Variants in LOXL2 observed in about 807,000 individuals in gnomAD.
The protein encoded by LOXL2 is lysyl oxidase like 2.
In LOXL2, 70 loss-of-function variants were observed where a neutral mutation model predicts 93.0. The ratio of observed to expected loss-of-function variants is 0.75; its 90% CI spans 0.62 to 0.92. The LOEUF is 0.92. LOXL2 is among the 40% of genes least tolerant of loss of function. The pLI is 0.00. For synonymous variants in LOXL2, 438 were observed against 413.2 expected (o/e 1.06, Z -0.73); for missense variants, 973 against 1,054.9 (o/e 0.92, Z 1.08).
Position 23,359,250 on chromosome 8 carries a change from A to G in LOXL2, c.531+840T>C, listed in dbSNP as rs1489617057. Among the ~76,000 whole-genome samples the G allele has an allele frequency of 4.6e-5, 7 of 152,260 alleles. No homozygotes were observed. The East Asian group carries it at 1.4e-3, about 29-fold the overall frequency. On this transcript the variant is annotated intron_variant, in intron 3 of 13. Coordinates refer to ENST00000389131, the MANE Select transcript of LOXL2 (RefSeq NM_002318.3). ...CCAGCAACCCTACCTGGTGTCACAC[A>G]TTTGTGTAATCTCCTCCCACTCTCT...
intron 6 of LOXL2, 24 bp from the exon 7 acceptor site, chr8:23,322,305 T>C (rs1455438129): frequency 1.2e-6 from 2 of 1,606,550 alleles, no homozygotes; most frequent in East Asian, 2.2e-5. Flanking sequence ...ATAAACATGC[T>C]CTATGAAAGC....
Position 23,346,137 on chromosome 8 carries a change from T to TAATA in LOXL2, c.532-4935_532-4934insTATT, listed in dbSNP as rs879817966. Among the ~76,000 whole-genome samples the TAATA allele has an allele frequency of 1.1e-3, 85 of 75,702 alleles. 2 individuals carry two copies. The highest frequency in any genetic ancestry group is 4.2e-3 in the African/African-American group (53 of 12,568). 49.7% of individuals were successfully genotyped at this position (75,702 alleles called of 152,430 possible). A position where few individuals can be genotyped will look rare whatever the true frequency, so the allele number is the denominator to read the frequency against. On this transcript the variant is annotated intron_variant, in intron 3 of 13. Transcript: ENST00000389131. ...AAAATTAAAATAAAATAAAATAAAATAAAATAAATAAAATAAAATAAAAAA... is the reference window on the plus strand; with the variant it reads ...AAAATTAAAATAAAATAAAATAAAATAATAAAAATAAATAAAATAAAATAAAAAA...
At chr8:23,300,246 G>A (rs1490340193) in intron 12 of LOXL2, among the ~76,000 whole-genome samples, 3 of 152,240 alleles carry the variant, frequency 2.0e-5, no homozygotes, top group Non-Finnish European at 4.4e-5. Context: ...GGCTGGAAAT[G>A]TGTGTCCCCC....
At chr8:23,309,262 C>T (rs903572909) in intron 10 of LOXL2, among the ~76,000 whole-genome samples, 79 of 152,100 alleles carry the variant, frequency 5.2e-4, no homozygotes, top group Non-Finnish European at 9.0e-4. Context: ...GGATTACAGG[C>T]GTGAGCCACC....
intron 9 of LOXL2, 73 bp from the exon 10 acceptor site, chr8:23,309,984 T>TGG: frequency 7.2e-7 from 1 of 1,398,416 alleles, no homozygotes; most frequent in South Asian, 1.7e-5. Context: ...ATTCTTGAGC[T>TGG]GGGACAAACC....
At chr8:23,301,651 G>A (rs981502625) in intron 12 of LOXL2, among the ~76,000 whole-genome samples, 11 of 152,154 alleles carry the variant, frequency 7.2e-5, no homozygotes, top group African/African-American at 2.4e-4. Context: ...TAGGGCACTA[G>A]GAGAAATGGG....
At chr8:23,380,406 A>AAAAAAAAAAAAAAAAG (rs57485192) in intron 1 of LOXL2, among the ~76,000 whole-genome samples, 1 of 128,500 alleles carries the variant, frequency 7.8e-6, no homozygotes, top group Admixed American at 8.4e-5. Flanking sequence ...AAAAAAAAAA[A>AAAAAAAAAAAAAAAAG]AAAAAGACAT....
intron 10 of LOXL2, among the ~76,000 whole-genome samples, chr8:23,308,022 C>T (rs900688229): frequency 9.2e-5 from 12 of 130,470 alleles, no homozygotes; most frequent in Admixed American, 6.0e-4. Context: ...AAAGAAAGAG[C>T]ATGTAGTTTG....
chr8:23,300,447 C>T (rs968631103), intron 12 of LOXL2, among the ~76,000 whole-genome samples: 33 of 152,206 alleles, frequency 2.2e-4, no homozygotes, highest in Non-Finnish European at 2.6e-4. Context: ...TGGACGGTCA[C>T]TTCCTCCTCG....
chr8:23,400,308 C>T (rs1409692925), intron 1 of LOXL2, among the ~76,000 whole-genome samples: 1 of 152,152 alleles, frequency 6.6e-6, no homozygotes, highest in East Asian at 1.9e-4. Flanking sequence ...GGAGGCCTCA[C>T]AATCATGGCA....
intron 2 of LOXL2, chr8:23,362,999 C>T (rs1236090559): frequency 1.3e-5 from 2 of 152,148 alleles, no homozygotes; most frequent in Non-Finnish European, 2.9e-5. Flanking sequence ...GACTACCTCA[C>T]CACACCTGCT....
chr8:23,340,319 T>G (rs991573827), intron 4 of LOXL2, among the ~76,000 whole-genome samples: 2 of 152,182 alleles, frequency 1.3e-5, no homozygotes, highest in African/African-American at 2.4e-5. Flanking sequence ...GAACACCCCA[T>G]GACCAACCAA....
intron 4 of LOXL2, 163 bp from the exon 5 acceptor site, chr8:23,333,786 C>T: frequency 3.2e-6 from 2 of 624,816 alleles, no homozygotes; most frequent in Non-Finnish European, 5.6e-6. Context: ...TCACTGAGCA[C>T]CTGCTAATGC....
chr8:23,345,781 AG>A (rs1803961903), intron 3 of LOXL2, among the ~76,000 whole-genome samples: 1 of 152,162 alleles, frequency 6.6e-6, no homozygotes, highest in Non-Finnish European at 1.5e-5. Flanking sequence ...TTTAAAATTC[AG>A]CCCCAGCCGG....
chr8:23,346,112 A>AAAATT (rs1229564356), intron 3 of LOXL2, among the ~76,000 whole-genome samples: 1 of 136,028 alleles, frequency 7.4e-6, no homozygotes, highest in Admixed American at 7.4e-5. Flanking sequence ...AAAATAAAAT[A>AAAATT]AAATTAAAAT....
chr8:23,391,402 G>A (rs1421983805), intron 1 of LOXL2, among the ~76,000 whole-genome samples: 2 of 152,108 alleles, frequency 1.3e-5, no homozygotes, highest in East Asian at 3.9e-4. Context: ...AAGTTAAAGT[G>A]CCCAGTATAG....
intron 3 of LOXL2, among the ~76,000 whole-genome samples, chr8:23,359,333 C>A (rs1390086459): frequency 6.6e-6 from 1 of 152,162 alleles, no homozygotes; most frequent in Non-Finnish European, 1.5e-5. Flanking sequence ...CTATCACTTC[C>A]AAGATTAAGT....
In LOXL2 at chr8:23,347,581, C is replaced by T. The variant is rs993792368; in HGVS notation, c.532-6378G>A. On this transcript the variant is annotated intron_variant, in intron 3 of 13. Transcript: ENST00000389131. ...AGGAAAATCGCTTGAACCCAGGAGG[C>T]GGAGTTTGCAGTGAGCAAAGATTGC... Among the ~76,000 whole-genome samples the T allele has an allele frequency of 2.3e-4, 35 of 152,196 alleles. 1 individual carries two copies. The highest frequency in any genetic ancestry group is 6.8e-3 in the Middle Eastern group (2 of 294).
intron 3 of LOXL2, among the ~76,000 whole-genome samples, chr8:23,356,820 G>A (rs1804209008): frequency 6.6e-6 from 1 of 152,188 alleles, no homozygotes; most frequent in South Asian, 2.1e-4. Flanking sequence ...GCCCTCTCTG[G>A]GTTTCTGGAG....
Sources: gnomAD v4.1 joint callset for allele counts (sites outside exome capture counted in the v4.1 genomes callset) on GRCh38, gnomAD v4.1.1 for gene constraint, MANE v1.5 for transcripts, NCBI Gene and HGNC (gene_info 2026-07-23, HGNC 2026-07-21) for gene names.